Variants in PCDHA7 observed in about 807,000 individuals in gnomAD.
The protein encoded by PCDHA7 is protocadherin alpha-7.
Under a neutral mutation model 57.2 loss-of-function variants are expected in PCDHA7, and 37 were observed. That is an observed-to-expected ratio of 0.65 (90% CI 0.50 to 0.85). The LOEUF is 0.85. Among genes scored for constraint, PCDHA7 ranks in the 40% least tolerant of loss-of-function variants. The probability of loss-of-function intolerance (pLI) is 0.00; values close to 1 mark genes in which losing one functional copy is unlikely to be tolerated. For synonymous variants in PCDHA7, 553 were observed against 558.8 expected, an observed-to-expected ratio of 0.99 and a Z score of 0.15; for missense variants, 1,188 against 1,241.8, an observed-to-expected ratio of 0.96 and a Z score of 0.65.
chr5:140,936,714 C>G (rs2091106727), intron 1 of PCDHA7, among the ~76,000 whole-genome samples: 1 of 152,198 alleles, frequency 6.6e-6, no homozygotes, highest in African/African-American at 2.4e-5. Context: ...TGTGCCAATA[C>G]ATTCTGTGTT....
chr5:140,982,611 T>G, intron 3 of PCDHA7, 48 bp downstream of exon 3: 2 of 1,600,048 alleles, frequency 1.2e-6, no homozygotes, highest in South Asian at 2.2e-5. Flanking sequence ...TGGAAAGTGA[T>G]CAGATGACCT....
intron 1 of PCDHA7, chr5:140,866,292 A>T (rs1453745216): frequency 6.6e-6 from 1 of 152,182 alleles, no homozygotes; most frequent in East Asian, 1.9e-4. Flanking sequence ...TGGGACAAGT[A>T]TAGATGTTGA....
intron 1 of PCDHA7, chr5:140,857,655 C>A: frequency 1.3e-6 from 2 of 1,596,728 alleles, no homozygotes; most frequent in East Asian, 2.2e-5. Context: ...CAGGTGAGCG[C>A]GCGCGATGGG....
chr5:140,965,527 A>G (rs2095909626), intron 1 of PCDHA7, among the ~76,000 whole-genome samples: 1 of 151,946 alleles, frequency 6.6e-6, no homozygotes, highest in Non-Finnish European at 1.5e-5. Flanking sequence ...CAAAGCATTA[A>G]TGGAATCCAA....
Position 141,009,779 on chromosome 5 carries a change from A to G in PCDHA7, c.2656A>G (p.Ile886Val), listed in dbSNP as rs1289763016. 3.7e-6 allele frequency: 6 copies of G among 1,613,952 alleles called. No individual in the cohort carries two copies. Among genetic ancestry groups the G allele is most frequent in the Non-Finnish European group, 5.1e-6 (6 of 1,180,030 alleles). ...CCCAGGATCTCCTGCAATCATCTCCATCCGGCAGGAGCCTACTAACAGCCA... is the reference window on the plus strand; with the variant it reads ...CCCAGGATCTCCTGCAATCATCTCCGTCCGGCAGGAGCCTACTAACAGCCA... ...IIPGSPAIIS[I>V]RQEPTNSQID... The change falls in exon 4 of 4, where the codon ATC becomes GTC. Residue 886 changes from isoleucine to valine, a missense_variant. Coordinates refer to ENST00000525929, the MANE Select transcript of PCDHA7 (RefSeq NM_018910.3).
intron 1 of PCDHA7, among the ~76,000 whole-genome samples, chr5:140,897,805 A>G (rs1216400632): frequency 6.6e-6 from 1 of 152,172 alleles, no homozygotes; most frequent in Non-Finnish European, 1.5e-5. Context: ...AGTCCCACCA[A>G]CAGTGTAAAA....
intron 1 of PCDHA7, chr5:140,851,487 C>A: frequency 2.2e-6 from 2 of 889,094 alleles, no homozygotes; most frequent in Non-Finnish European, 1.4e-6. Flanking sequence ...TAAACACAGC[C>A]TTCATTTCAA....
chr5:140,937,728 C>T (rs1180728000), intron 1 of PCDHA7, among the ~76,000 whole-genome samples: 4 of 151,954 alleles, frequency 2.6e-5, no homozygotes, highest in African/African-American at 7.2e-5. Flanking sequence ...CTGGCTAACA[C>T]GGTGAAACCC....
chr5:140,868,908 C>A, intron 1 of PCDHA7: 1 of 882,186 alleles, frequency 1.1e-6, no homozygotes, highest in Non-Finnish European at 1.7e-6. Context: ...TCGCTCTTTA[C>A]TTGGTGGAAA....
At chr5:140,853,355 C>G (rs1554146557) in intron 1 of PCDHA7, 1 of 981,160 alleles carries the variant, frequency 1.0e-6, no homozygotes, top group African/African-American at 1.8e-5. Context: ...CATGAACTCA[C>G]AGGGATCCAG....
At chr5:140,971,968 A>G (rs1049886222) in intron 1 of PCDHA7, among the ~76,000 whole-genome samples, 3 of 152,124 alleles carry the variant, frequency 2.0e-5, no homozygotes, top group Non-Finnish European at 4.4e-5. Flanking sequence ...CTTTTTTTCA[A>G]TACTATGAGT....
At chr5:140,893,488 C>G (rs2064010316) in intron 1 of PCDHA7, among the ~76,000 whole-genome samples, 1 of 151,368 alleles carries the variant, frequency 6.6e-6, no homozygotes, top group Non-Finnish European at 1.5e-5. Flanking sequence ...CCCTGTTCTT[C>G]ACAAAAAAGA....
intron 1 of PCDHA7, among the ~76,000 whole-genome samples, chr5:140,912,874 G>T (rs2076102653): frequency 6.6e-6 from 1 of 152,026 alleles, no homozygotes; most frequent in Non-Finnish European, 1.5e-5. Context: ...TATGGTTTTT[G>T]GTCTTCATTC....
At chr5:140,993,795 C>T (rs1301191394) in intron 3 of PCDHA7, among the ~76,000 whole-genome samples, 2 of 152,128 alleles carry the variant, frequency 1.3e-5, no homozygotes, top group African/African-American at 2.4e-5. Flanking sequence ...ACATGCTGTG[C>T]AGGTTTGTAG....
chr5:140,983,806 G>T (rs981942088), intron 3 of PCDHA7, among the ~76,000 whole-genome samples: 1 of 152,110 alleles, frequency 6.6e-6, no homozygotes, highest in Non-Finnish European at 1.5e-5. Flanking sequence ...GTGTGTAAAA[G>T]GTTTTTTCCC....
At position 140,928,086 on chromosome 5, in the gene PCDHA7, G is replaced by A. The variant is rs17844363; in HGVS notation, c.2356-50863G>A. The A allele has an allele frequency of 1.9e-4, 304 of 1,614,206 alleles. No homozygotes were observed. The East Asian group carries it at 3.7e-3, about 20-fold the overall frequency. On this transcript the variant is annotated intron_variant, in intron 1 of 3. Transcript: ENST00000525929. ...CCTTTGACAACTACTACAGCCTGCT[G>A]ATTGATGGGCCCCTGGACCGGGAGC...
chr5:140,910,346 G>C (rs2074987326), intron 1 of PCDHA7, among the ~76,000 whole-genome samples: 1 of 152,152 alleles, frequency 6.6e-6, no homozygotes, highest in Admixed American at 6.5e-5. Flanking sequence ...CTTTGCCTCT[G>C]CTGTCCATTA....
intron 1 of PCDHA7, chr5:140,856,802 GA>G (rs782128453): frequency 1.3e-6 from 2 of 1,595,592 alleles, no homozygotes; most frequent in East Asian, 4.5e-5. Context: ...TAAGATGTAT[GA>G]AAATCAAGTG....
intron 1 of PCDHA7, chr5:140,875,915 T>C: frequency 6.2e-7 from 1 of 1,614,214 alleles, no homozygotes; most frequent in Non-Finnish European, 8.5e-7. Context: ...TCTGCGCCTC[T>C]GGACTCTCAT....
Sources: gnomAD v4.1 joint callset for allele counts (sites outside exome capture counted in the v4.1 genomes callset) on GRCh38, gnomAD v4.1.1 for gene constraint, MANE v1.5 for transcripts, NCBI Gene and HGNC (gene_info 2026-07-23, HGNC 2026-07-21) for gene names.